LRRC4C: variants seen among roughly 807,000 people sequenced by gnomAD.
The protein encoded by LRRC4C is leucine rich repeat containing 4C.
In LRRC4C, 5 loss-of-function variants were observed where a neutral mutation model predicts 33.6. That is an observed-to-expected ratio of 0.15 (90% confidence interval 0.08 to 0.31). The LOEUF (loss-of-function observed/expected upper bound fraction) is 0.31. LRRC4C is among the 10% of genes least tolerant of loss of function. The pLI is 1.00. For synonymous variants in LRRC4C, 329 were observed against 302.0 expected (o/e 1.09, Z -0.93); for missense variants, 560 against 796.7 (o/e 0.70, Z 3.58).
intron 1 of LRRC4C, among the ~76,000 whole-genome samples, chr11:41,215,361 G>A (rs1947014166): frequency 6.6e-6 from 1 of 151,410 alleles, no homozygotes; most frequent in African/African-American, 2.4e-5. Context: ...GGTGGTGCAC[G>A]CCTGTGATCC....
At chr11:40,118,749 A>G (rs918819855) in intron 6 of LRRC4C, among the ~76,000 whole-genome samples, 1 of 152,318 alleles carries the variant, frequency 6.6e-6, no homozygotes, top group Non-Finnish European at 1.5e-5. Context: ...AAGCTGGAAT[A>G]AGATCGGGTA....
chr11:40,696,039 A>G (rs1268282962), intron 2 of LRRC4C, among the ~76,000 whole-genome samples: 5 of 128,490 alleles, frequency 3.9e-5, no homozygotes, highest in African/African-American at 1.8e-4. Flanking sequence ...GTGTATATAT[A>G]TATGTGTGTG....
chr11:40,681,810 T>G (rs191731861), intron 2 of LRRC4C, among the ~76,000 whole-genome samples: 50 of 152,228 alleles, frequency 3.3e-4, no homozygotes, highest in Non-Finnish European at 4.0e-4. Flanking sequence ...CTGGATGAGA[T>G]TAGAGACTAT....
intron 3 of LRRC4C, among the ~76,000 whole-genome samples, chr11:40,412,091 G>C (rs958562381): frequency 6.6e-6 from 1 of 151,852 alleles, no homozygotes; most frequent in Non-Finnish European, 1.5e-5. Context: ...ATTTTGCTAT[G>C]ATGGCATGTC....
At chr11:40,474,418 T>TA (rs530324461) in intron 3 of LRRC4C, among the ~76,000 whole-genome samples, 195 of 151,904 alleles carry the variant, frequency 1.3e-3, no homozygotes, top group African/African-American at 4.6e-3. Flanking sequence ...CCACATCTTA[T>TA]AAAAAAAATT....
At chr11:40,932,605 A>G (rs1474729447) in intron 2 of LRRC4C, among the ~76,000 whole-genome samples, 1 of 152,184 alleles carries the variant, frequency 6.6e-6, no homozygotes, top group African/African-American at 2.4e-5. Flanking sequence ...AAAGTGTTAT[A>G]ATTAAAATTT....
At chr11:41,347,116 T>C (rs1453116598) in intron 1 of LRRC4C, among the ~76,000 whole-genome samples, 1 of 152,168 alleles carries the variant, frequency 6.6e-6, no homozygotes, top group Non-Finnish European at 1.5e-5. Flanking sequence ...ACAAGGAAAG[T>C]TTATTTACAC....
At chr11:40,981,283 G>A (rs1852506970) in intron 1 of LRRC4C, among the ~76,000 whole-genome samples, 1 of 152,066 alleles carries the variant, frequency 6.6e-6, no homozygotes, top group South Asian at 2.1e-4. Context: ...GCGTGGTGGT[G>A]TGCGCCTGTA....
chr11:40,504,646 T>C (rs1222717635), intron 3 of LRRC4C, among the ~76,000 whole-genome samples: 1 of 152,202 alleles, frequency 6.6e-6, no homozygotes, highest in Non-Finnish European at 1.5e-5. Flanking sequence ...CTCCAGGATA[T>C]CTCAGTTATG....
chr11:40,458,692 G>A (rs1952248267), intron 3 of LRRC4C, among the ~76,000 whole-genome samples: 1 of 152,096 alleles, frequency 6.6e-6, no homozygotes. Context: ...TGTAGGCAAG[G>A]ATTCCAACAG....
chr11:40,858,020 AG>A lies in LRRC4C; in HGVS notation c.-407+75614del, dbSNP rs1408857162. ...GACAGGGACAGGGACAAGGAAAGGA[AG>A]GGAAGGGAAGGGAAGGGAAGGGAAG... On this transcript the variant is annotated intron_variant, in intron 2 of 6. Transcript: ENST00000528697. Among the ~76,000 whole-genome samples the A allele has an allele frequency of 6.6e-3, 729 of 110,490 alleles. 4 individuals are homozygous for A. Among genetic ancestry groups the A allele is most frequent in the Admixed American group, 0.011 (109 of 9,936 alleles). The allele number at this position is 110,490 out of a possible 152,430, so 72.5% of individuals were successfully genotyped here. A position where few individuals can be genotyped will look rare whatever the true frequency, so the allele number is the denominator to read the frequency against.
intron 2 of LRRC4C, among the ~76,000 whole-genome samples, chr11:40,807,794 AT>A (rs1183065767): frequency 6.6e-6 from 1 of 152,190 alleles, no homozygotes; most frequent in African/African-American, 2.4e-5. Context: ...TGCTATTCTA[AT>A]TGTATGGGAT....
chr11:41,419,487 T>A (rs1954801898), intron 1 of LRRC4C, among the ~76,000 whole-genome samples: 1 of 151,886 alleles, frequency 6.6e-6, no homozygotes, highest in South Asian at 2.1e-4. Context: ...GGGCCATGTC[T>A]ATACTGAGAT....
At chr11:40,210,966 G>A (rs1276104859) in intron 5 of LRRC4C, among the ~76,000 whole-genome samples, 2 of 151,814 alleles carry the variant, frequency 1.3e-5, no homozygotes, top group Non-Finnish European at 2.9e-5. Flanking sequence ...TAGTAGAGAC[G>A]GGATTTCACC....
chr11:41,043,293 A>C (rs1348646744), intron 1 of LRRC4C, among the ~76,000 whole-genome samples: 4 of 152,046 alleles, frequency 2.6e-5, no homozygotes, highest in African/African-American at 9.7e-5. Flanking sequence ...TGCAGACCAC[A>C]ACACCATCAA....
intron 1 of LRRC4C, among the ~76,000 whole-genome samples, chr11:41,442,105 C>T (rs1163279666): frequency 6.6e-6 from 1 of 152,008 alleles, no homozygotes; most frequent in African/African-American, 2.4e-5. Flanking sequence ...TTAATTTATT[C>T]ATATGTTTCT....
intron 1 of LRRC4C, among the ~76,000 whole-genome samples, chr11:41,047,869 C>T (rs1434147763): frequency 6.6e-6 from 1 of 151,844 alleles, no homozygotes; most frequent in Admixed American, 6.6e-5. Context: ...TGTGTATATA[C>T]ACACACACAC....
chr11:40,768,046 T>A (rs1160518389), intron 2 of LRRC4C, among the ~76,000 whole-genome samples: 1 of 151,834 alleles, frequency 6.6e-6, no homozygotes, highest in Non-Finnish European at 1.5e-5. Flanking sequence ...AGTTTTTTAA[T>A]GGAAAGATAA....
chr11:41,258,105 C>T (rs1304186837), intron 1 of LRRC4C, among the ~76,000 whole-genome samples: 1 of 151,866 alleles, frequency 6.6e-6, no homozygotes, highest in African/African-American at 2.4e-5. Context: ...ATAAGAGGAA[C>T]CCGATTTCAA....
Sources: gnomAD v4.1 joint callset for allele counts (sites outside exome capture counted in the v4.1 genomes callset) on GRCh38, gnomAD v4.1.1 for gene constraint, MANE v1.5 for transcripts, NCBI Gene and HGNC (gene_info 2026-07-23, HGNC 2026-07-21) for gene names.